Variants in KCNMA1 observed in about 807,000 individuals in gnomAD.
The protein encoded by KCNMA1 is potassium calcium-activated channel subfamily M alpha 1, also known as Calcium-activated potassium channel subunit alpha-1.
In KCNMA1, 29 loss-of-function variants were observed where a neutral mutation model predicts 140.0. That is an observed-to-expected ratio of 0.21 (90% confidence interval 0.15 to 0.28). The LOEUF (loss-of-function observed/expected upper bound fraction) is 0.28. Ranked by LOEUF, KCNMA1 falls within the 10% of genes least tolerant of loss-of-function variation. The pLI is 1.00. For missense variants in KCNMA1, 880 were observed against 1,602.2 expected, an observed-to-expected ratio of 0.55 and a Z score of 7.70; for synonymous variants, 612 against 611.9, an observed-to-expected ratio of 1.00 and a Z score of 0.00.
At chr10:77,632,144 C>T (rs1048319698) in intron 1 of KCNMA1, among the ~76,000 whole-genome samples, 8 of 152,240 alleles carry the variant, frequency 5.3e-5, no homozygotes, top group East Asian at 3.9e-4. Flanking sequence ...AGCAGGATGC[C>T]GCCAAGCCTG....
At chr10:77,025,447 G>A (rs1303634345) in intron 16 of KCNMA1, 3 of 1,602,336 alleles carry the variant, frequency 1.9e-6, no homozygotes, top group African/African-American at 1.3e-5. Flanking sequence ...AGTGCATACC[G>A]CTTTCGGCTT....
chr10:77,031,024 C>T (rs1271976171), intron 15 of KCNMA1, among the ~76,000 whole-genome samples: 1 of 152,176 alleles, frequency 6.6e-6, no homozygotes, highest in Non-Finnish European at 1.5e-5. Context: ...CTTGCCCTTC[C>T]TATGCAGATA....
At position 76,885,394 on chromosome 10, in the gene KCNMA1, T is replaced by C. The variant is rs2036440421; in HGVS notation, c.*1872A>G. The stretch of plus-strand genomic sequence containing the variant: ...AATTATTCCCCACCACAATACTGGT[T>C]TGAATACTACGCTGCCCCTGTCTTT... On this transcript the variant is annotated 3_prime_UTR_variant, in exon 28 of 28. Transcript: ENST00000286628. The C allele has an allele frequency of 1.0e-6, 1 of 985,058 alleles. No individual in the cohort carries two copies. Among genetic ancestry groups the C allele is most frequent in the African/African-American group, 1.7e-5 (1 of 57,170 alleles). 61.0% of individuals were successfully genotyped at this position (985,058 alleles called of 1,614,324 possible). A position where few individuals can be genotyped will look rare whatever the true frequency, so the allele number is the denominator to read the frequency against.
chr10:77,108,195 TG>T lies in KCNMA1; in HGVS notation c.1223+285del. ...GGCCTTCCCTCACAGAAGCACCCGGTGGGGTTGGGGAGGGGCAGAATTCAGA... is the reference window on the plus strand; with the variant it reads ...GGCCTTCCCTCACAGAAGCACCCGGTGGGTTGGGGAGGGGCAGAATTCAGA... On this transcript the variant is annotated intron_variant, in intron 9 of 27. Coordinates refer to ENST00000286628, the MANE Select transcript of KCNMA1 (RefSeq NM_001161352.2). This position sits in a 1 kb window ranked among gnomAD's most constrained non-coding sequence, Gnocchi z 4.6. 2.0e-6 allele frequency: 2 copies of T among 1,016,982 alleles called. No individual in the cohort carries two copies. The highest frequency in any genetic ancestry group is 2.8e-6 in the Non-Finnish European group (2 of 719,140). 63.0% of individuals were successfully genotyped at this position (1,016,982 alleles called of 1,614,324 possible).
chr10:76,914,773 A>G, intron 24 of KCNMA1, 163 bp downstream of exon 24: 2 of 622,980 alleles, frequency 3.2e-6, no homozygotes, highest in Non-Finnish European at 5.9e-6. Flanking sequence ...CCCTTCCGGT[A>G]ATCTGCCATA....
chr10:77,545,240 G>A (rs1034556811), intron 1 of KCNMA1, among the ~76,000 whole-genome samples: 34 of 152,172 alleles, frequency 2.2e-4, no homozygotes, highest in Admixed American at 1.8e-3. Flanking sequence ...CAGTGGTGTG[G>A]ATAAAGTAAT....
intron 10 of KCNMA1, among the ~76,000 whole-genome samples, chr10:77,089,276 T>C (rs546358113): frequency 1.6e-4 from 25 of 152,170 alleles, no homozygotes; most frequent in Non-Finnish European, 3.1e-4. Flanking sequence ...GAAGCCGACC[T>C]CAGTGGAACC....
intron 23 of KCNMA1, among the ~76,000 whole-genome samples, chr10:76,937,989 A>G (rs2061011430): frequency 6.6e-6 from 1 of 152,004 alleles, no homozygotes; most frequent in African/African-American, 2.4e-5. Flanking sequence ...GGCAGTGGAC[A>G]TATGTCTTGG....
chr10:76,899,198 A>G lies in KCNMA1; in HGVS notation c.3148-7479T>C, dbSNP rs74235015. On this transcript the variant is annotated intron_variant, in intron 25 of 27. Transcript: ENST00000286628. ...TCCTTAACATGTAAATAGGCCATTT[A>G]ATGTCATTTTTTCCAGTAAAATTGT... Among the ~76,000 whole-genome samples the G allele has an allele frequency of 2.0e-3, 309 of 152,238 alleles. 10 individuals carry two copies. In the East Asian group the frequency reaches 0.053, roughly 26 times the overall value.
At chr10:77,355,499 C>T (rs530030118) in intron 2 of KCNMA1, among the ~76,000 whole-genome samples, 2 of 152,266 alleles carry the variant, frequency 1.3e-5, no homozygotes, top group Admixed American at 6.5e-5. Flanking sequence ...GGAAACGATG[C>T]CATTTCCTTC....
chr10:77,221,538 T>C (rs906411499), intron 3 of KCNMA1, among the ~76,000 whole-genome samples: 1 of 152,154 alleles, frequency 6.6e-6, no homozygotes, highest in Admixed American at 6.5e-5. Flanking sequence ...AAGAGTGTAA[T>C]TGGATTGTTT....
At chr10:77,403,415 AG>A (rs1354365712) in intron 2 of KCNMA1, among the ~76,000 whole-genome samples, 1 of 152,072 alleles carries the variant, frequency 6.6e-6, no homozygotes, top group Non-Finnish European at 1.5e-5. Flanking sequence ...CTGCTGCAAG[AG>A]GGGGTCCCTA....
At chr10:77,512,608 A>T (rs1019383678) in intron 1 of KCNMA1, among the ~76,000 whole-genome samples, 12 of 152,284 alleles carry the variant, frequency 7.9e-5, no homozygotes, top group Middle Eastern at 6.8e-3. Context: ...CTGTATTTGG[A>T]GACAGGGTCT....
At chr10:77,462,698 C>T (rs1021706028) in intron 1 of KCNMA1, among the ~76,000 whole-genome samples, 3 of 152,224 alleles carry the variant, frequency 2.0e-5, no homozygotes, top group Non-Finnish European at 4.4e-5. Flanking sequence ...GAGAGAGTCC[C>T]GCCCACCCAC....
At chr10:77,195,667 G>T (rs1279647185) in intron 3 of KCNMA1, among the ~76,000 whole-genome samples, 1 of 151,928 alleles carries the variant, frequency 6.6e-6, no homozygotes, top group Non-Finnish European at 1.5e-5. Flanking sequence ...ATAAATAGCT[G>T]GCTGAGTATG....
intron 2 of KCNMA1, among the ~76,000 whole-genome samples, chr10:77,254,798 T>A (rs951431916): frequency 3.3e-5 from 5 of 152,146 alleles, no homozygotes; most frequent in African/African-American, 1.2e-4. Context: ...GCTTCTATAG[T>A]TTCAGGGACA....
At chr10:77,418,641 G>A (rs1236211396) in intron 1 of KCNMA1, among the ~76,000 whole-genome samples, 1 of 152,152 alleles carries the variant, frequency 6.6e-6, no homozygotes, top group African/African-American at 2.4e-5. Flanking sequence ...CCAGCCCTAC[G>A]ATGAAGTTGG....
At chr10:77,072,064 T>C (rs747052487) in intron 14 of KCNMA1, among the ~76,000 whole-genome samples, 1 of 152,202 alleles carries the variant, frequency 6.6e-6, no homozygotes, top group Non-Finnish European at 1.5e-5. Context: ...GGAGGTCTCA[T>C]ACCTTTGATT....
At chr10:77,131,318 A>G (rs1207534776) in intron 5 of KCNMA1, among the ~76,000 whole-genome samples, 1 of 152,210 alleles carries the variant, frequency 6.6e-6, no homozygotes, top group African/African-American at 2.4e-5. Flanking sequence ...AGATAAGCAC[A>G]AAACAGGCCA....
Sources: allele counts gnomAD v4.1 joint callset (sites outside exome capture counted in the v4.1 genomes callset), GRCh38; gene constraint gnomAD v4.1.1; non-coding constraint Gnocchi (gnomAD v3.1); transcripts MANE v1.5; gene names NCBI Gene and HGNC (gene_info 2026-07-23, HGNC 2026-07-21).